Variants in MBNL3 observed in about 807,000 individuals in gnomAD.
MBNL3 encodes muscleblind like splicing regulator 3.
In MBNL3, 6 loss-of-function variants were observed where a neutral mutation model predicts 24.5. The ratio of observed to expected loss-of-function variants is 0.25; its 90% CI spans 0.13 to 0.48. The LOEUF (loss-of-function observed/expected upper bound fraction) is 0.48. Among genes scored for constraint, MBNL3 ranks in the 20% least tolerant of loss-of-function variants. The probability of loss-of-function intolerance (pLI) is 0.99; values close to 1 mark genes in which losing one functional copy is unlikely to be tolerated. For missense variants in MBNL3, 230 were observed against 293.5 expected (o/e 0.78, Z 1.58); for synonymous variants, 100 against 101.7 (o/e 0.98, Z 0.10).
chrX:132,483,963 C>G (rs761401512), intron 1 of MBNL3, among the ~76,000 whole-genome samples: 2 of 112,203 alleles, frequency 1.8e-5, no homozygotes, highest in African/African-American at 3.2e-5. Context: ...CAGGAGGCAT[C>G]AGAGTCACAG....
chrX:132,479,562 C>T (rs778832668), intron 1 of MBNL3, among the ~76,000 whole-genome samples: 2 of 111,841 alleles, frequency 1.8e-5, no homozygotes, highest in Non-Finnish European at 1.9e-5. Flanking sequence ...AATGAGTATA[C>T]GGTTTATTTG....
chrX:132,407,570 C>T (rs1289354809), intron 2 of MBNL3, among the ~76,000 whole-genome samples: 1 of 112,116 alleles, frequency 8.9e-6, no homozygotes, highest in South Asian at 3.7e-4. Flanking sequence ...TTAAGAATCA[C>T]GTTAACCTAA....
intron 8 of MBNL3, chrX:132,381,335 A>G (rs767839616): frequency 1.9e-5 from 18 of 940,182 alleles, no homozygotes; most frequent in Non-Finnish European, 2.5e-5. Context: ...AATATTATTT[A>G]TATTAATACT....
chrX:132,380,390 C>T (rs917029729), intron 8 of MBNL3, among the ~76,000 whole-genome samples: 1 of 111,837 alleles, frequency 8.9e-6, no homozygotes, highest in East Asian at 2.8e-4. Context: ...CAAATGACAC[C>T]TCTGGAAACA....
intron 4 of MBNL3, among the ~76,000 whole-genome samples, chrX:132,391,915 G>A (rs7890575): frequency 0.013 from 1,459 of 111,878 alleles, 26 homozygotes; most frequent in African/African-American, 0.044. Flanking sequence ...CTGTGCCATC[G>A]CACAGTCTAT....
chrX:132,450,297 A>T (rs1946025335), intron 1 of MBNL3, among the ~76,000 whole-genome samples: 1 of 111,597 alleles, frequency 9.0e-6, no homozygotes, highest in Non-Finnish European at 1.9e-5. Context: ...TTTCAGTTAC[A>T]CAAATCAAAC....
In MBNL3 at chrX:132,392,231, G is replaced by C. The variant is rs1168686366; in HGVS notation, c.446C>G (p.Pro149Arg). 8.3e-7 allele frequency: 1 copy of C among 1,210,177 alleles called. No individual in the cohort carries two copies. Among genetic ancestry groups the C allele is most frequent in the Non-Finnish European group, 1.1e-6 (1 of 894,321 alleles). The change falls in exon 4 of 9, where the codon CCA (proline) becomes CGA (arginine). Residue 149 changes from proline (P) to arginine (R), a missense_variant. Pro to Arg is a moderately radical substitution (Grantham distance 103). Coordinates refer to ENST00000370853, the MANE Select transcript of MBNL3 (RefSeq NM_001386889.1). ...TCCAGGAATCAGAACAGGTGTATTT[G>C]GTACAAGTTCTGCAGGAACGAGGCC... is the stretch of plus-strand genomic sequence containing the variant. ...GMGLVPAELV[P>R]NTPVLIPGNP...
At chrX:132,439,396 TCAA>T (rs755931129) in intron 2 of MBNL3, 36 bp downstream of exon 2, 3 of 1,094,630 alleles carry the variant, frequency 2.7e-6, no homozygotes, top group Non-Finnish European at 3.6e-6. Context: ...AACATAGAAA[TCAA>T]CAAATTTAAA....
chrX:132,379,776 G>A, intron 8 of MBNL3, 99 bp from the exon 9 acceptor site: 1 of 656,629 alleles, frequency 1.5e-6, no homozygotes, highest in East Asian at 3.5e-5. Flanking sequence ...TTCCAGTTCT[G>A]TCTGTTAACA....
At chrX:132,396,558 ATATATATTCCTATATATATTCC>A (rs1938743812) in intron 3 of MBNL3, among the ~76,000 whole-genome samples, 1 of 17,872 alleles carries the variant, frequency 5.6e-5, no homozygotes, top group Non-Finnish European at 1.3e-4. Context: ...ATATATTCCT[ATATATATTCCTATATATATTCC>A]TATATATATT....
chrX:132,409,248 G>GT (rs1004995132), intron 2 of MBNL3, among the ~76,000 whole-genome samples: 3 of 111,590 alleles, frequency 2.7e-5, no homozygotes, highest in Non-Finnish European at 5.7e-5. Flanking sequence ...GAACAAACTT[G>GT]TTTTTTTTAC....
intron 2 of MBNL3, among the ~76,000 whole-genome samples, chrX:132,435,474 G>C (rs1268911446): frequency 1.8e-5 from 2 of 110,730 alleles, no homozygotes; most frequent in Non-Finnish European, 3.8e-5. Context: ...ACTTTCCCTT[G>C]GCAAATAGGG....
chrX:132,448,537 CTTCT>C (rs1945864429), intron 1 of MBNL3, among the ~76,000 whole-genome samples: 1 of 111,346 alleles, frequency 9.0e-6, no homozygotes, highest in African/African-American at 3.3e-5. Context: ...TCTCCCTTTT[CTTCT>C]TTATTAGTCC....
intron 1 of MBNL3, among the ~76,000 whole-genome samples, chrX:132,443,816 T>C (rs1024727282): frequency 9.0e-6 from 1 of 111,145 alleles, no homozygotes; most frequent in African/African-American, 3.3e-5. Context: ...TGGAATTACA[T>C]TGAGACTTAT....
At position 132,453,303 on chromosome X, in the gene MBNL3, T is replaced by G. The variant is rs760519195; in HGVS notation, c.-703-12989A>C. On this transcript the variant is annotated intron_variant, in intron 1 of 8. Transcript: ENST00000370853. ...CAATGATCTGCTCCTGGAAAATTGG[T>G]TTACTTAAGGAGCCCACAGCACAGA... Among the ~76,000 whole-genome samples the G allele has an allele frequency of 2.7e-5, 3 of 111,599 alleles. No homozygotes were observed. The East Asian group carries it at 8.5e-4, about 32-fold the overall frequency.
At chrX:132,396,347 T>TTC (rs1938298687) in intron 3 of MBNL3, among the ~76,000 whole-genome samples, 1 of 44,616 alleles carries the variant, frequency 2.2e-5, no homozygotes, top group African/African-American at 2.0e-4. Flanking sequence ...TATATATTCA[T>TTC]ATATATATAT....
chrX:132,435,694 G>T (rs910962424), intron 2 of MBNL3, among the ~76,000 whole-genome samples: 7 of 111,571 alleles, frequency 6.3e-5, no homozygotes, highest in Non-Finnish European at 9.4e-5. Context: ...GACATGGCAT[G>T]TGACTGTTTT....
At chrX:132,422,912 C>G (rs981312737) in intron 2 of MBNL3, among the ~76,000 whole-genome samples, 3 of 111,732 alleles carry the variant, frequency 2.7e-5, no homozygotes, top group African/African-American at 9.8e-5. Context: ...CTAAATGTGT[C>G]CAGGTGAAGT....
intron 1 of MBNL3, among the ~76,000 whole-genome samples, chrX:132,454,014 C>T (rs1946246495): frequency 8.9e-6 from 1 of 111,871 alleles, no homozygotes; most frequent in African/African-American, 3.3e-5. Flanking sequence ...ATCGCTTGAG[C>T]CTGGGAGGCA....
Sources: allele counts gnomAD v4.1 joint callset (sites outside exome capture counted in the v4.1 genomes callset), GRCh38; gene constraint gnomAD v4.1.1; transcripts MANE v1.5; gene names NCBI Gene and HGNC (gene_info 2026-07-23, HGNC 2026-07-21).